FBXW7: variants seen among roughly 807,000 people sequenced by gnomAD.
FBXW7 encodes F-box/WD repeat-containing protein 7.
In FBXW7, 11 loss-of-function variants were observed where a neutral mutation model predicts 86.3. That is an observed-to-expected ratio of 0.13 (90% CI 0.08 to 0.21). FBXW7 has a LOEUF of 0.21. Among genes scored for constraint, FBXW7 ranks in the 10% least tolerant of loss-of-function variants. FBXW7 has a pLI of 1.00. For missense variants in FBXW7, 488 were observed against 847.4 expected (o/e 0.58, Z 5.27); for synonymous variants, 313 against 297.9 (o/e 1.05, Z -0.52).
intron 2 of FBXW7, among the ~76,000 whole-genome samples, chr4:152,431,448 C>T (rs888920054): frequency 6.6e-6 from 1 of 152,106 alleles, no homozygotes; most frequent in African/African-American, 2.4e-5. Flanking sequence ...GGGTTTAAAG[C>T]ACAGGGGATT....
intron 4 of FBXW7, among the ~76,000 whole-genome samples, chr4:152,359,299 G>A (rs1300587971): frequency 6.6e-6 from 1 of 152,066 alleles, no homozygotes; most frequent in Non-Finnish European, 1.5e-5. Flanking sequence ...TTAAAATCCA[G>A]GTGACAAGAT....
chr4:152,520,199 C>A (rs929203137), intron 2 of FBXW7, among the ~76,000 whole-genome samples: 1 of 151,276 alleles, frequency 6.6e-6, no homozygotes, highest in East Asian at 1.9e-4. Context: ...TTTGGGAGGC[C>A]GAGGCGGGTG....
intron 2 of FBXW7, among the ~76,000 whole-genome samples, chr4:152,439,821 G>C (rs563322905): frequency 6.7e-6 from 1 of 148,240 alleles, no homozygotes; most frequent in Non-Finnish European, 1.5e-5. Flanking sequence ...AGCCAAGATC[G>C]TGCCACTGCA....
chr4:152,495,555 A>C (rs1746259493), intron 2 of FBXW7, among the ~76,000 whole-genome samples: 1 of 152,244 alleles, frequency 6.6e-6, no homozygotes. Flanking sequence ...TATATATATT[A>C]GGCTACAAGT....
chr4:152,366,161 ACTGT>A (rs1182925379), intron 4 of FBXW7, among the ~76,000 whole-genome samples: 7 of 152,188 alleles, frequency 4.6e-5, no homozygotes, highest in African/African-American at 1.7e-4. Context: ...TTATAATTAT[ACTGT>A]CTATTGTTTA....
At chr4:152,332,994 C>T (rs1287270310) in intron 7 of FBXW7, among the ~76,000 whole-genome samples, 2 of 151,990 alleles carry the variant, frequency 1.3e-5, no homozygotes. Context: ...CTTGCCTTTA[C>T]TCTGTGAGCC....
intron 2 of FBXW7, among the ~76,000 whole-genome samples, chr4:152,431,356 T>C (rs1739874098): frequency 6.6e-6 from 1 of 152,094 alleles, no homozygotes; most frequent in Non-Finnish European, 1.5e-5. Flanking sequence ...ACAGTGGGTT[T>C]TGTAAGGTGG....
chr4:152,320,806 T>C lies in FBXW7; in HGVS notation c.*2075A>G, dbSNP rs1728510578. 6.6e-6 allele frequency: 1 copy of C among 152,086 alleles called. No homozygotes were observed. The highest frequency in any genetic ancestry group is 6.6e-5 in the Admixed American group (1 of 15,246). 9.4% of individuals were successfully genotyped at this position (152,086 alleles called of 1,614,324 possible). A position where few individuals can be genotyped will look rare whatever the true frequency, so the allele number is the denominator to read the frequency against. On this transcript the variant is annotated 3_prime_UTR_variant, in exon 14 of 14. Transcript: ENST00000281708. Reference sequence around the variant, plus strand: ...GCCTAACCAGTCTCAGCTGCAGATTTTTGCTCGTCTTTAAGATGGGAGATA... The same window carrying C: ...GCCTAACCAGTCTCAGCTGCAGATTCTTGCTCGTCTTTAAGATGGGAGATA...
At chr4:152,493,412 G>A (rs1021430067) in intron 2 of FBXW7, among the ~76,000 whole-genome samples, 2 of 152,036 alleles carry the variant, frequency 1.3e-5, no homozygotes, top group South Asian at 4.2e-4. Flanking sequence ...TGATCCACCC[G>A]CCTCGGCCTC....
chr4:152,497,321 CAAAA>C (rs55764450), intron 2 of FBXW7, among the ~76,000 whole-genome samples: 37 of 51,666 alleles, frequency 7.2e-4, no homozygotes, highest in African/African-American at 2.8e-3. Context: ...GACTCCATCT[CAAAA>C]AAAAAAAAAA....
intron 6 of FBXW7, among the ~76,000 whole-genome samples, chr4:152,344,412 T>A (rs1386417264): frequency 6.6e-6 from 1 of 152,184 alleles, no homozygotes; most frequent in African/African-American, 2.4e-5. Context: ...TATATAATAC[T>A]ATACCTGCAG....
intron 4 of FBXW7, among the ~76,000 whole-genome samples, chr4:152,369,396 G>C (rs899801157): frequency 2.6e-5 from 4 of 152,092 alleles, no homozygotes; most frequent in African/African-American, 9.7e-5. Flanking sequence ...TGAACTCCAC[G>C]AGGGTGATGG....
chr4:152,504,756 T>C (rs1020767925), intron 2 of FBXW7, among the ~76,000 whole-genome samples: 2 of 152,180 alleles, frequency 1.3e-5, no homozygotes, highest in Non-Finnish European at 2.9e-5. Context: ...AGTGTTGAAA[T>C]TGAGATATAA....
chr4:152,494,997 G>C (rs1746190713), intron 2 of FBXW7, among the ~76,000 whole-genome samples: 3 of 152,088 alleles, frequency 2.0e-5, no homozygotes. Flanking sequence ...CAGCTTCAGG[G>C]TACAGAGTTC....
intron 2 of FBXW7, among the ~76,000 whole-genome samples, chr4:152,420,985 T>C (rs1405555133): frequency 6.6e-6 from 1 of 152,174 alleles, no homozygotes; most frequent in African/African-American, 2.4e-5. Context: ...CCTATCCAGC[T>C]AGAAAAGTCT....
At chr4:152,387,597 G>C (rs1230838799) in intron 4 of FBXW7, among the ~76,000 whole-genome samples, 1 of 64,646 alleles carries the variant, frequency 1.5e-5, no homozygotes, top group African/African-American at 5.7e-5. Flanking sequence ...GCTTGTATTA[G>C]CAAAAACTGT....
intron 2 of FBXW7, among the ~76,000 whole-genome samples, chr4:152,490,996 C>A (rs1745791600): frequency 6.6e-6 from 1 of 152,044 alleles, no homozygotes; most frequent in South Asian, 2.1e-4. Context: ...TTAGAATATT[C>A]TTTGTAAAGA....
At chr4:152,498,732 G>A (rs1746617531) in intron 2 of FBXW7, among the ~76,000 whole-genome samples, 1 of 152,152 alleles carries the variant, frequency 6.6e-6, no homozygotes, top group Non-Finnish European at 1.5e-5. Context: ...AGGCTGCTGG[G>A]ATGGTATAAG....
intron 2 of FBXW7, among the ~76,000 whole-genome samples, chr4:152,424,414 T>C (rs2126926469): frequency 6.6e-6 from 1 of 152,324 alleles, no homozygotes; most frequent in South Asian, 2.1e-4. Flanking sequence ...AACAGAAATA[T>C]AGCTAGAGAC....
Sources: gnomAD v4.1 joint callset for allele counts (sites outside exome capture counted in the v4.1 genomes callset) on GRCh38, gnomAD v4.1.1 for gene constraint, MANE v1.5 for transcripts, NCBI Gene and HGNC (gene_info 2026-07-23, HGNC 2026-07-21) for gene names.